Variants in FBXL2 observed in about 807,000 individuals in gnomAD.
FBXL2 encodes F-box/LRR-repeat protein 2.
FBXL2 carries 38 observed loss-of-function variants against 69.2 expected under a neutral mutation model. The observed-to-expected ratio is 0.55, with a 90% CI of 0.42 to 0.72. The LOEUF (loss-of-function observed/expected upper bound fraction) is 0.72, where lower values mean the gene tolerates loss of function less well. Among genes scored for constraint, FBXL2 ranks in the 30% least tolerant of loss-of-function variants. The probability of loss-of-function intolerance (pLI) is 0.00; values close to 1 mark genes in which losing one functional copy is unlikely to be tolerated. For synonymous variants in FBXL2, 192 were observed against 201.3 expected, an observed-to-expected ratio of 0.95 and a Z score of 0.39; for missense variants, 354 against 520.3, an observed-to-expected ratio of 0.68 and a Z score of 3.11.
intron 2 of FBXL2, among the ~76,000 whole-genome samples, chr3:33,328,453 C>T (rs1575210302): frequency 6.6e-6 from 1 of 152,242 alleles, no homozygotes; most frequent in East Asian, 1.9e-4. Flanking sequence ...AAATGTACTA[C>T]AGAGCTATAG....
chr3:33,282,850 T>C (rs1559482226), intron 1 of FBXL2, among the ~76,000 whole-genome samples: 1 of 152,182 alleles, frequency 6.6e-6, no homozygotes, highest in Non-Finnish European at 1.5e-5. Context: ...TCTCTGTTTG[T>C]CTGTTATTGG....
At chr3:33,355,684 C>T (rs974576968) in intron 2 of FBXL2, among the ~76,000 whole-genome samples, 1 of 152,210 alleles carries the variant, frequency 6.6e-6, no homozygotes, top group Non-Finnish European at 1.5e-5. Flanking sequence ...ATCCCTTACT[C>T]CCCTGTGATT....
At chr3:33,390,405 G>C (rs763243312), downstream of FBXL2, 14 of 1,613,274 alleles carry the variant, frequency 8.7e-6, no homozygotes, top group Non-Finnish European at 1.0e-5. Flanking sequence ...CTTCAGTCAG[G>C]CTTAGGAAAT....
intron 2 of FBXL2, among the ~76,000 whole-genome samples, chr3:33,305,957 A>G (rs998894142): frequency 6.6e-6 from 1 of 151,898 alleles, no homozygotes; most frequent in Admixed American, 6.6e-5. Flanking sequence ...AAGTTTACCT[A>G]TTTCATTAGT....
At chr3:33,329,186 G>T (rs1015915424) in intron 2 of FBXL2, among the ~76,000 whole-genome samples, 8 of 152,140 alleles carry the variant, frequency 5.3e-5, no homozygotes, top group African/African-American at 1.4e-4. Context: ...TTAATCACCA[G>T]AGAAATAGAC....
At chr3:33,396,596 A>C in intron 12 of FBXL2, 1 of 399,756 alleles carries the variant, frequency 2.5e-6, no homozygotes, top group Non-Finnish European at 4.7e-6. Flanking sequence ...CTCACACCAC[A>C]AGTATAGAAA....
intron 12 of FBXL2, chr3:33,402,833 G>A (rs1169287764): frequency 6.2e-7 from 1 of 1,605,938 alleles, no homozygotes; most frequent in East Asian, 2.2e-5. Flanking sequence ...TCTGCTGTGG[G>A]GAGGTGAAAG....
downstream of FBXL2, among the ~76,000 whole-genome samples, chr3:33,408,226 T>C (rs2044480345): frequency 4.6e-5 from 7 of 152,156 alleles, no homozygotes; most frequent in Admixed American, 4.6e-4. Context: ...CGTGTTAATG[T>C]CAAGCTTGCT....
chr3:33,316,591 C>G (rs1559530346), intron 2 of FBXL2, among the ~76,000 whole-genome samples: 2 of 152,168 alleles, frequency 1.3e-5, no homozygotes, highest in Non-Finnish European at 2.9e-5. Context: ...CCTGTGCTCT[C>G]TAGGGTATAT....
At chr3:33,416,667 A>G in the FBXL2 span, 4 of 1,012,828 alleles carry the variant, frequency 3.9e-6, no homozygotes, top group Admixed American at 7.8e-5. Flanking sequence ...TTGTAATACA[A>G]CAATTATTGA....
intron 1 of FBXL2, among the ~76,000 whole-genome samples, chr3:33,292,558 G>C (rs963904105): frequency 6.6e-6 from 1 of 152,094 alleles, no homozygotes; most frequent in Non-Finnish European, 1.5e-5. Context: ...GGATATAAAA[G>C]ATTTGAACAC....
intron 12 of FBXL2, among the ~76,000 whole-genome samples, chr3:33,399,931 C>A (rs543223780): frequency 2.6e-5 from 4 of 152,260 alleles, no homozygotes; most frequent in African/African-American, 7.2e-5. Context: ...AAACTATATA[C>A]ACCTACACAC....
intron 2 of FBXL2, among the ~76,000 whole-genome samples, chr3:33,352,515 G>A (rs1237579341): frequency 2.6e-5 from 4 of 152,190 alleles, no homozygotes; most frequent in Non-Finnish European, 4.4e-5. Context: ...TTAAGAGAAT[G>A]AAAACCACAG....
At chr3:33,347,640 A>G (rs2154034031) in intron 2 of FBXL2, among the ~76,000 whole-genome samples, 1 of 152,278 alleles carries the variant, frequency 6.6e-6, no homozygotes, top group Middle Eastern at 3.4e-3. Flanking sequence ...TCCCACCAAC[A>G]GTGTGTGAGG....
chr3:33,350,325 CAAATTGTGGCACCCACTCGTGATAA>C lies in FBXL2; in HGVS notation c.66-8637_66-8613del, dbSNP rs373495062. 4.6e-3 allele frequency among the ~76,000 whole-genome samples: 693 copies of C among 152,062 alleles called. 4 individuals carry two copies. The highest frequency in any genetic ancestry group is 0.016 in the African/African-American group (648 of 41,488). On this transcript the variant is annotated intron_variant, in intron 2 of 14. Transcript: ENST00000484457. ...CAGAAAATGCAGAAAAAATATTTGG[CAAATTGTGGCACCCACTCGTGATAA>C]AAATACTTATCAGACTAGGAATAGA...
At chr3:33,305,900 A>G (rs1368271006) in intron 2 of FBXL2, among the ~76,000 whole-genome samples, 2 of 151,890 alleles carry the variant, frequency 1.3e-5, no homozygotes, top group Admixed American at 6.6e-5. Flanking sequence ...CTTCCTTAAT[A>G]TCGTTAGTTT....
chr3:33,283,399 A>C (rs1183801227), intron 1 of FBXL2, among the ~76,000 whole-genome samples: 4 of 152,146 alleles, frequency 2.6e-5, no homozygotes, highest in Non-Finnish European at 4.4e-5. Context: ...TGATGAAGCC[A>C]ACTTGATCGT....
intron 10 of FBXL2, 35 bp from the exon 11 acceptor site, chr3:33,377,238 T>C (rs779885685): frequency 1.9e-6 from 3 of 1,592,784 alleles, no homozygotes; most frequent in Admixed American, 3.3e-5. Context: ...AACTAGTTGG[T>C]ACCGTTTTCT....
the FBXL2 span, among the ~76,000 whole-genome samples, chr3:33,420,716 C>T: frequency 6.6e-6 from 1 of 152,000 alleles, no homozygotes; most frequent in Non-Finnish European, 1.5e-5. Context: ...CTCGATCTCT[C>T]GACCTCGTGA....
Sources: gnomAD v4.1 joint callset for allele counts (sites outside exome capture counted in the v4.1 genomes callset) on GRCh38, gnomAD v4.1.1 for gene constraint, MANE v1.5 for transcripts, NCBI Gene and HGNC (gene_info 2026-07-23, HGNC 2026-07-21) for gene names.